The following PLCZ1 variants were observed in gnomAD, a reference collection of about 807,000 sequenced individuals.
PLCZ1 encodes 1-phosphatidylinositol 4,5-bisphosphate phosphodiesterase zeta-1.
PLCZ1 carries 64 observed loss-of-function variants against 76.8 expected under a neutral mutation model. The observed-to-expected ratio is 0.83, with a 90% confidence interval of 0.68 to 1.03. PLCZ1 has a LOEUF of 1.03. PLCZ1 is among the 50% of genes least tolerant of loss of function. PLCZ1 has a pLI of 0.00. For synonymous variants in PLCZ1, 248 were observed against 230.8 expected (o/e 1.07, Z -0.68); for missense variants, 751 against 713.7 (o/e 1.05, Z -0.60).
the PLCZ1 span, among the ~76,000 whole-genome samples, chr12:18,673,169 T>A: frequency 1.3e-5 from 2 of 152,178 alleles, no homozygotes; most frequent in Non-Finnish European, 2.9e-5. Flanking sequence ...ATGTTTTTAA[T>A]GGTTAAATTG....
At chr12:18,654,494 G>T in the PLCZ1 span, among the ~76,000 whole-genome samples, 1 of 152,086 alleles carries the variant, frequency 6.6e-6, no homozygotes, top group African/African-American at 2.4e-5. Context: ...AATGTGGTCC[G>T]ATTTCAGACC....
At chr12:18,688,634 G>A (rs1376653667) in intron 12 of PLCZ1, among the ~76,000 whole-genome samples, 3 of 151,762 alleles carry the variant, frequency 2.0e-5, no homozygotes, top group African/African-American at 7.3e-5. Flanking sequence ...TTAACTCCCT[G>A]TGATAGCATT....
chr12:18,680,979 AG>A (rs1952352221), downstream of PLCZ1, among the ~76,000 whole-genome samples: 1 of 152,044 alleles, frequency 6.6e-6, no homozygotes, highest in African/African-American at 2.4e-5. Context: ...CAGCCAGGAT[AG>A]GGGAGTGTGT....
chr12:18,708,636 G>T (rs778245910), intron 6 of PLCZ1, among the ~76,000 whole-genome samples: 4 of 152,014 alleles, frequency 2.6e-5, no homozygotes, highest in Non-Finnish European at 5.9e-5. Flanking sequence ...CAGTGTACAG[G>T]GTTCCCTTTT....
downstream of PLCZ1, among the ~76,000 whole-genome samples, chr12:18,680,037 A>G (rs529989871): frequency 8.7e-4 from 133 of 152,168 alleles, no homozygotes; most frequent in African/African-American, 2.6e-3. Flanking sequence ...TTTAGAATGC[A>G]TCATAAGAAC....
At chr12:18,655,534 T>C in the PLCZ1 span, among the ~76,000 whole-genome samples, 1 of 152,180 alleles carries the variant, frequency 6.6e-6, no homozygotes, top group African/African-American at 2.4e-5. Context: ...CTATGCATAG[T>C]GACGTCATCC....
the PLCZ1 span, among the ~76,000 whole-genome samples, chr12:18,650,249 A>G: frequency 3.7e-4 from 56 of 149,632 alleles, no homozygotes; most frequent in Non-Finnish European, 6.5e-4. Context: ...TGTCAAACCC[A>G]TCATTCAGTT....
the PLCZ1 span, among the ~76,000 whole-genome samples, chr12:18,677,543 C>G: frequency 6.6e-6 from 1 of 151,974 alleles, no homozygotes; most frequent in African/African-American, 2.4e-5. Context: ...TTAAAATGTC[C>G]CCTATGCTGT....
the PLCZ1 span, among the ~76,000 whole-genome samples, chr12:18,651,104 C>A: frequency 6.6e-6 from 1 of 151,980 alleles, no homozygotes; most frequent in South Asian, 2.1e-4. Context: ...CTGATTTTAA[C>A]TCTTATTATA....
At chr12:18,648,178 T>C in the PLCZ1 span, 18 of 325,216 alleles carry the variant, frequency 5.5e-5, no homozygotes, top group Non-Finnish European at 5.4e-6. Flanking sequence ...GTCTTTTGTG[T>C]TGTTTATTTT....
chr12:18,688,514 T>G (rs886258258), intron 12 of PLCZ1, among the ~76,000 whole-genome samples: 4 of 151,886 alleles, frequency 2.6e-5, no homozygotes, highest in African/African-American at 9.7e-5. Flanking sequence ...TTCAGGGAAT[T>G]CAGGTCGAGT....
chr12:18,647,014 C>T, the PLCZ1 span, among the ~76,000 whole-genome samples: 10 of 151,944 alleles, frequency 6.6e-5, no homozygotes, highest in African/African-American at 2.4e-4. Context: ...ACAAAAAGAA[C>T]ATCAAAATGT....
intron 12 of PLCZ1, 53 bp downstream of exon 12, chr12:18,694,857 T>C (rs1171128617): frequency 5.2e-6 from 7 of 1,335,748 alleles, no homozygotes; most frequent in Non-Finnish European, 7.3e-6. Flanking sequence ...TAATGTACAC[T>C]ATCTAGTTTA....
At chr12:18,705,774 G>A (rs1031579028) in intron 6 of PLCZ1, among the ~76,000 whole-genome samples, 1 of 151,954 alleles carries the variant, frequency 6.6e-6, no homozygotes, top group African/African-American at 2.4e-5. Flanking sequence ...ACTAAGGCAG[G>A]AGAATCACTT....
At chr12:18,732,767 A>G (rs556845816) in intron 3 of PLCZ1, among the ~76,000 whole-genome samples, 1 of 152,236 alleles carries the variant, frequency 6.6e-6, no homozygotes, top group South Asian at 2.1e-4. Flanking sequence ...AATGTCCTCT[A>G]GTTTTACCCA....
Position 18,712,733 on chromosome 12 carries a change from A to C in PLCZ1, c.714+109T>G, listed in dbSNP as rs987018116. 6 of 1,352,070 alleles carry C rather than the reference A, an allele frequency of 4.4e-6. No homozygotes were observed. The African/African-American group carries it at 8.6e-5, about 19-fold the overall frequency. The allele number at this position is 1,352,070 out of a possible 1,614,324, so 83.8% of individuals were successfully genotyped here. A position where few individuals can be genotyped will look rare whatever the true frequency, so the allele number is the denominator to read the frequency against. On this transcript the variant is annotated intron_variant, in intron 6 of 14. Coordinates refer to ENST00000266505, the MANE Select transcript of PLCZ1 (RefSeq NM_033123.4). ...TGCCTACTAATGGATCATAACCCAC[A>C]ATTTGAAATATCATCTAAAGTAAGG...
chr12:18,665,097 T>C, the PLCZ1 span, among the ~76,000 whole-genome samples: 1 of 151,296 alleles, frequency 6.6e-6, no homozygotes, highest in Non-Finnish European at 1.5e-5. Context: ...GCATGGCACA[T>C]GCATACATAT....
At chr12:18,723,727 T>C (rs1958587792) in intron 3 of PLCZ1, among the ~76,000 whole-genome samples, 185 bp from the exon 4 acceptor site, 1 of 152,120 alleles carries the variant, frequency 6.6e-6, no homozygotes, top group Admixed American at 6.6e-5. Context: ...AAAGGGTTAG[T>C]TAACTCTTGA....
chr12:18,681,378 G>A (rs999440410), downstream of PLCZ1, among the ~76,000 whole-genome samples: 7 of 152,086 alleles, frequency 4.6e-5, no homozygotes, highest in Admixed American at 4.6e-4. Context: ...AGCCTTTTCC[G>A]ATGTTTTCTT....
Sources: gnomAD v4.1 joint callset for allele counts (sites outside exome capture counted in the v4.1 genomes callset) on GRCh38, gnomAD v4.1.1 for gene constraint, MANE v1.5 for transcripts, NCBI Gene and HGNC (gene_info 2026-07-23, HGNC 2026-07-21) for gene names.